Variants in TMEM143 observed in about 807,000 individuals in gnomAD.
The protein encoded by TMEM143 is transmembrane protein 143.
Under a neutral mutation model 40.3 loss-of-function variants are expected in TMEM143, and 45 were observed. That is an observed-to-expected ratio of 1.12 (90% CI 0.88 to 1.43). TMEM143 has a LOEUF of 1.43. Among genes scored for constraint, TMEM143 ranks in the 40% most tolerant of loss-of-function variants. TMEM143 has a pLI of 0.00. For missense variants in TMEM143, 620 were observed against 613.4 expected (o/e 1.01, Z -0.11); for synonymous variants, 299 against 282.7 (o/e 1.06, Z -0.58).
intron 3 of TMEM143, among the ~76,000 whole-genome samples, chr19:48,352,640 T>C (rs960081972): frequency 2.6e-5 from 4 of 151,650 alleles, no homozygotes; most frequent in African/African-American, 9.7e-5. Context: ...CCAGGCATGG[T>C]GGTGCACACC....
Position 48,345,332 on chromosome 19 carries a change from G to A in TMEM143, c.392C>T (p.Pro131Leu), listed in dbSNP as rs767139807. 1.3e-6 allele frequency: 2 copies of A among 1,576,414 alleles called. No individual in the cohort carries two copies. Among genetic ancestry groups the A allele is most frequent in the South Asian group, 2.4e-5 (2 of 84,044 alleles). ...TGGCTGATCGAGGGTCTCCCTGTCAGGGTTGATGGGGTCATATAAGGCCTA... is the reference window on the plus strand; with the variant it reads ...TGGCTGATCGAGGGTCTCCCTGTCAAGGTTGATGGGGTCATATAAGGCCTA... ...RLQALYDPIN[P>L]DRETLDQPSL... is the part of the protein sequence containing the mutation. The change falls in exon 4 of 8, where the codon CCT (proline) becomes CTT (leucine). Residue 131 changes from proline (P) to leucine (L), a missense_variant. Coordinates refer to ENST00000293261, the MANE Select transcript of TMEM143 (RefSeq NM_018273.4).
intron 3 of TMEM143, among the ~76,000 whole-genome samples, chr19:48,357,679 T>C (rs927535879): frequency 5.3e-5 from 8 of 151,966 alleles, no homozygotes; most frequent in Non-Finnish European, 8.8e-5. Context: ...TCTACCTGCC[T>C]TTCTAAAAGG....
intron 6 of TMEM143, among the ~76,000 whole-genome samples, chr19:48,342,145 A>G (rs1271629225): frequency 1.2e-4 from 11 of 91,988 alleles, no homozygotes; most frequent in Admixed American, 2.9e-4. Context: ...AAAGAGGAAC[A>G]GGAAGGAAGG....
At chr19:48,359,509 G>GTTTTTT (rs775409244) in intron 3 of TMEM143, among the ~76,000 whole-genome samples, 1 of 88,622 alleles carries the variant, frequency 1.1e-5, no homozygotes, top group African/African-American at 4.4e-5. Context: ...ACCCCTCTTT[G>GTTTTTT]TTTTTTTTTT....
intron 4 of TMEM143, among the ~76,000 whole-genome samples, chr19:48,343,867 G>T (rs1969565739): frequency 6.6e-6 from 1 of 152,104 alleles, no homozygotes; most frequent in African/African-American, 2.4e-5. Flanking sequence ...GGAGATTTTA[G>T]TATTTTTTAT....
At position 48,333,572 on chromosome 19, in the gene TMEM143, G is replaced by T; in HGVS notation, c.1166-139C>A. ...CCTAGGAGTGATCTTGAGGCTTGGA[G>T]GGGAGCGGAACAAGGCCCAGGAGGG... On this transcript the variant is annotated intron_variant, in intron 7 of 7. Transcript: ENST00000293261. The surrounding 1 kb of genome is among the most constrained non-coding windows in gnomAD (Gnocchi z 4.1). 1.7e-6 allele frequency: 1 copy of T among 584,424 alleles called. No individual in the cohort carries two copies. The allele number at this position is 584,424 out of a possible 1,614,324, so 36.2% of individuals were successfully genotyped here.
intron 5 of TMEM143, 99 bp downstream of exon 5, chr19:48,343,222 T>C: frequency 6.9e-7 from 1 of 1,448,764 alleles, no homozygotes; most frequent in Non-Finnish European, 9.1e-7. Context: ...ACTTCCCGCC[T>C]GGGGCCCAGA....
intron 3 of TMEM143, among the ~76,000 whole-genome samples, chr19:48,351,400 C>A (rs1186255703): frequency 6.6e-6 from 1 of 152,164 alleles, no homozygotes; most frequent in Non-Finnish European, 1.5e-5. Flanking sequence ...GGCCTGGGAG[C>A]TGTTCTCCCC....
rs746145547 is a variant in TMEM143 at position 48,333,211 on chromosome 19, G to A, written c.*8C>T. On this transcript the variant is annotated 3_prime_UTR_variant, in exon 8 of 8. Transcript: ENST00000293261. The surrounding 1 kb of genome is among the most constrained non-coding windows in gnomAD (Gnocchi z 4.1). ...AGCCTGCTGACTGGGCAGGGAGGTAGGTTCTACTCAGGAGATGTTACTGCT... is the reference window on the plus strand; with the variant it reads ...AGCCTGCTGACTGGGCAGGGAGGTAAGTTCTACTCAGGAGATGTTACTGCT... 7.6e-6 allele frequency: 11 copies of A among 1,443,270 alleles called. No homozygotes were observed. Among genetic ancestry groups the A allele is most frequent in the Admixed American group, 4.7e-5 (2 of 42,612 alleles). 89.4% of individuals were successfully genotyped at this position (1,443,270 alleles called of 1,614,324 possible).
intron 3 of TMEM143, among the ~76,000 whole-genome samples, chr19:48,359,512 T>G (rs1282793570): frequency 1.2e-5 from 1 of 81,618 alleles, no homozygotes; most frequent in Non-Finnish European, 2.5e-5. Context: ...CCTCTTTGTT[T>G]TTTTTTTTTT....
intron 3 of TMEM143, among the ~76,000 whole-genome samples, chr19:48,349,676 C>A (rs1012092641): frequency 1.3e-5 from 2 of 151,820 alleles, no homozygotes; most frequent in African/African-American, 4.8e-5. Flanking sequence ...AAAGCAGCAG[C>A]CTTCCTCTAC....
chr19:48,352,248 A>AAAAAAAAAAAC lies in TMEM143; in HGVS notation c.370-6895_370-6894insGTTTTTTTTTT, dbSNP rs1295827570. On this transcript the variant is annotated intron_variant, in intron 3 of 7. Coordinates refer to ENST00000293261, the MANE Select transcript of TMEM143 (RefSeq NM_018273.4). ...GGTGACAGAGTGAGACTCTGTCTCA[A>AAAAAAAAAAAC]AAAAAAAAAAAAAACACCATATCTG... Among the ~76,000 whole-genome samples, 2 of 145,472 alleles carry AAAAAAAAAAAC rather than the reference A, an allele frequency of 1.4e-5. 1 individual carries two copies. The highest frequency in any genetic ancestry group is 3.0e-5 in the Non-Finnish European group (2 of 65,882).
rs1325230574 is a variant in TMEM143, at chr19:48,334,248, C to T, written c.976-51G>A. 1.7e-5 allele frequency: 26 copies of T among 1,521,842 alleles called. 1 individual carries two copies. The highest frequency in any genetic ancestry group is 2.3e-5 in the Non-Finnish European group (26 of 1,134,360). 94.3% of individuals were successfully genotyped at this position (1,521,842 alleles called of 1,614,324 possible). On this transcript the variant is annotated intron_variant, in intron 6 of 7. Transcript: ENST00000293261. The stretch of plus-strand genomic sequence containing the variant: ...GCTCAGTTCGGGGTGCGCCCCCACC[C>T]ATACACAGCCCCCGGGGTCACCCCC...
At chr19:48,339,474 G>T (rs961296435) in intron 6 of TMEM143, among the ~76,000 whole-genome samples, 1 of 152,160 alleles carries the variant, frequency 6.6e-6, no homozygotes, top group Admixed American at 6.5e-5. Flanking sequence ...CCCTTATCCC[G>T]CAGTGGGGCT....
intron 6 of TMEM143, among the ~76,000 whole-genome samples, chr19:48,341,513 G>A (rs1268518051): frequency 1.3e-5 from 2 of 152,114 alleles, no homozygotes; most frequent in Non-Finnish European, 2.9e-5. Context: ...TGGGGACTTG[G>A]AACAAACAGC....
At chr19:48,342,341 T>G (rs1443596761) in intron 6 of TMEM143, among the ~76,000 whole-genome samples, 189 bp downstream of exon 6, 5 of 38,598 alleles carry the variant, frequency 1.3e-4, no homozygotes, top group South Asian at 7.5e-4. Context: ...AGAGGAAGAA[T>G]GGGAAGGAAG....
Position 48,332,832 on chromosome 19 carries a change from GAT to G in TMEM143, c.*385_*386del, listed in dbSNP as rs1969242344. On this transcript the variant is annotated 3_prime_UTR_variant, in exon 8 of 8. Transcript: ENST00000293261. ...CCCGGAGCGGGCTGAAAAAGACAAT[GAT>G]ATATAGTCTCGGGAGGGCGCAGCTT... The G allele has an allele frequency of 6.2e-6, 1 of 162,506 alleles. No individual in the cohort carries two copies. Among genetic ancestry groups the G allele is most frequent in the African/African-American group, 2.4e-5 (1 of 41,866 alleles). 10.1% of individuals were successfully genotyped at this position (162,506 alleles called of 1,614,324 possible).
intron 6 of TMEM143, among the ~76,000 whole-genome samples, chr19:48,339,885 C>T (rs576329011): frequency 4.6e-4 from 69 of 151,288 alleles, no homozygotes; most frequent in African/African-American, 1.6e-3. Context: ...TGCGCCACCA[C>T]GCCTGGCTAA....
intron 3 of TMEM143, among the ~76,000 whole-genome samples, chr19:48,348,575 G>A (rs1435528113): frequency 6.6e-6 from 1 of 152,166 alleles, no homozygotes; most frequent in Non-Finnish European, 1.5e-5. Context: ...AATGATAATG[G>A]TGCACATTTA....
Sources: allele counts gnomAD v4.1 joint callset (sites outside exome capture counted in the v4.1 genomes callset), GRCh38; gene constraint gnomAD v4.1.1; non-coding constraint Gnocchi (gnomAD v3.1); transcripts MANE v1.5; gene names NCBI Gene and HGNC (gene_info 2026-07-23, HGNC 2026-07-21).